Variants in POLN observed in about 807,000 individuals in gnomAD.
The protein encoded by POLN is DNA polymerase nu, also known as DNA polymerase N.
Under a neutral mutation model 113.5 loss-of-function variants are expected in POLN, and 108 were observed. That is an observed-to-expected ratio of 0.95 (90% CI 0.81 to 1.12). The LOEUF is 1.12. Among genes scored for constraint, POLN ranks in the 50% most tolerant of loss-of-function variants. The probability of loss-of-function intolerance (pLI) is 0.00; values close to 1 mark genes in which losing one functional copy is unlikely to be tolerated. For missense variants in POLN, 1,097 were observed against 1,077.1 expected (o/e 1.02, Z -0.26); for synonymous variants, 386 against 391.5 (o/e 0.99, Z 0.17).
chr4:2,197,815 C>T (rs1036792542), intron 6 of POLN, among the ~76,000 whole-genome samples: 1 of 152,210 alleles, frequency 6.6e-6, no homozygotes, highest in African/African-American at 2.4e-5. Flanking sequence ...CAACTTCCTC[C>T]GGAGCTGCCT....
At chr4:2,183,666 G>A (rs1733197727) in intron 7 of POLN, among the ~76,000 whole-genome samples, 1 of 152,124 alleles carries the variant, frequency 6.6e-6, no homozygotes, top group Admixed American at 6.5e-5. Context: ...CTGAGAAAGG[G>A]GGGATGGGGA....
chr4:2,193,859 G>A (rs1331977836), intron 6 of POLN, among the ~76,000 whole-genome samples: 1 of 152,184 alleles, frequency 6.6e-6, no homozygotes, highest in Non-Finnish European at 1.5e-5. Context: ...GCAGGGGGCT[G>A]CTCCCTCTTC....
In POLN at chr4:2,080,991, G is replaced by T; in HGVS notation, c.2354C>A (p.Thr785Asn). Residue 785 changes from threonine to asparagine, a missense_variant, in exon 23 of 26, where the codon ACT becomes AAT. Transcript: ENST00000511885. ...LCKLAMIHVFTAVAASHTLTA... is the reference protein window; with the variant it reads ...LCKLAMIHVFNAVAASHTLTA... ...CAAGGTGTGGGAAGCAGCCACTGCA[G>T]TGAAGACATGGATCATGGCCAGCTT... is the stretch of plus-strand genomic sequence containing the variant. 1 of 1,613,910 alleles carries T rather than the reference G, an allele frequency of 6.2e-7. No homozygotes were observed. The highest frequency in any genetic ancestry group is 8.5e-7 in the Non-Finnish European group (1 of 1,179,980).
intron 16 of POLN, among the ~76,000 whole-genome samples, chr4:2,144,710 G>C (rs981085366): frequency 6.6e-6 from 1 of 152,082 alleles, no homozygotes; most frequent in African/African-American, 2.4e-5. Flanking sequence ...TTTAGCACTC[G>C]ATAACTAAGA....
chr4:2,228,964 C>A (rs1245000973), intron 3 of POLN, 135 bp downstream of exon 3: 3 of 768,814 alleles, frequency 3.9e-6, no homozygotes, highest in African/African-American at 1.8e-5. Context: ...GAAGCTCAGT[C>A]TGCACTGAAT....
chr4:2,190,717 A>G (rs1343289444), intron 7 of POLN, among the ~76,000 whole-genome samples: 4 of 152,224 alleles, frequency 2.6e-5, no homozygotes, highest in Non-Finnish European at 5.9e-5. Context: ...AAATGATTTG[A>G]ATAGACATTT....
chr4:2,095,152 A>G (rs1293335750), intron 20 of POLN, among the ~76,000 whole-genome samples: 1 of 147,816 alleles, frequency 6.8e-6, no homozygotes, highest in Non-Finnish European at 1.5e-5. Context: ...AGTGGAAGAG[A>G]GTAGAAGGCC....
intron 13 of POLN, among the ~76,000 whole-genome samples, chr4:2,168,195 G>A (rs961339992): frequency 4.6e-5 from 7 of 152,172 alleles, no homozygotes; most frequent in African/African-American, 1.4e-4. Flanking sequence ...TGGGGGAGCT[G>A]AGCAGCAGCA....
At chr4:2,081,232 G>C in intron 22 of POLN, 196 bp from the exon 23 acceptor site, 2 of 1,524,204 alleles carry the variant, frequency 1.3e-6, no homozygotes, top group Non-Finnish European at 1.8e-6. Flanking sequence ...GCTCCTGCAG[G>C]GCACCTGGGT....
intron 17 of POLN, 22 bp downstream of exon 17, chr4:2,131,210 CA>C: frequency 6.5e-7 from 1 of 1,531,630 alleles, no homozygotes; most frequent in Non-Finnish European, 9.0e-7. Flanking sequence ...GAGACTTTAG[CA>C]AGGTAGTAAG....
chr4:2,081,382 G>C, intron 22 of POLN: 1 of 625,634 alleles, frequency 1.6e-6, no homozygotes, highest in Non-Finnish European at 2.8e-6. Context: ...CAGAGATATG[G>C]GGAACAGTAC....
At chr4:2,229,823 C>T (rs1203196700) in intron 2 of POLN, 3 of 151,748 alleles carry the variant, frequency 2.0e-5, no homozygotes, top group African/African-American at 7.3e-5. Flanking sequence ...AACTCCGTCT[C>T]AAAAAATAAA....
chr4:2,207,940 C>G, intron 5 of POLN, 47 bp downstream of exon 5: 4 of 1,520,018 alleles, frequency 2.6e-6, no homozygotes, highest in Non-Finnish European at 3.5e-6. Flanking sequence ...AAATGGGCTT[C>G]TTTTATGGTG....
At chr4:2,232,651 T>A (rs535060201) in intron 2 of POLN, among the ~76,000 whole-genome samples, 1 of 152,008 alleles carries the variant, frequency 6.6e-6, no homozygotes, top group South Asian at 2.1e-4. Flanking sequence ...TTTTTTCATA[T>A]TGTCTTACCA....
intron 20 of POLN, 135 bp from the exon 21 acceptor site, chr4:2,085,879 C>T: frequency 8.5e-7 from 1 of 1,169,766 alleles, no homozygotes; most frequent in African/African-American, 1.5e-5. Context: ...GTTGACTTTA[C>T]AAGCCAGGTG....
chr4:2,235,705 A>G (rs1234918268), intron 2 of POLN, among the ~76,000 whole-genome samples: 1 of 152,236 alleles, frequency 6.6e-6, no homozygotes, highest in Non-Finnish European at 1.5e-5. Flanking sequence ...ATAACAGCAC[A>G]TAAAGTTCAA....
rs1259591078 is a variant in POLN, at chr4:2,174,710, A to G, written c.1290T>C (p.Pro430=). The change falls in exon 10 of 26, where the codon CCT becomes CCC. Residue 430 remains proline, a synonymous_variant. Transcript: ENST00000511885. The stretch of plus-strand genomic sequence containing the variant: ...ACTTACCTGCCAAAATTGGTATCAG[A>G]GGAAGCTCCAAAGTACGAAATAGTT... The part of the protein sequence containing the change: ...LWQLFRTLEL[P]LIPILAVMES... The G allele has an allele frequency of 1.9e-6, 3 of 1,610,306 alleles. No homozygotes were observed. In the East Asian group the frequency reaches 6.7e-5, roughly 36 times the overall value.
chr4:2,199,273 G>A (rs2108759775), intron 5 of POLN, among the ~76,000 whole-genome samples: 1 of 152,214 alleles, frequency 6.6e-6, no homozygotes, highest in South Asian at 2.1e-4. Context: ...GCTGATGAAA[G>A]AAATCAGAGA....
At chr4:2,169,145 G>C (rs866998173) in intron 13 of POLN, among the ~76,000 whole-genome samples, 17 of 152,338 alleles carry the variant, frequency 1.1e-4, no homozygotes, top group Middle Eastern at 3.4e-3. Flanking sequence ...GCAGGCGCTG[G>C]AGTGGGGGGA....
Sources: allele counts gnomAD v4.1 joint callset (sites outside exome capture counted in the v4.1 genomes callset), GRCh38; gene constraint gnomAD v4.1.1; transcripts MANE v1.5; gene names NCBI Gene and HGNC (gene_info 2026-07-23, HGNC 2026-07-21).